Variants in TRABD observed in about 807,000 individuals in gnomAD.
The protein encoded by TRABD is TraB domain containing.
TRABD carries 23 observed loss-of-function variants against 39.6 expected under a neutral mutation model. The observed-to-expected ratio is 0.58, with a 90% CI of 0.42 to 0.82. The LOEUF is 0.82. Ranked by LOEUF, TRABD falls within the 40% of genes least tolerant of loss-of-function variation. The pLI is 0.00. For synonymous variants in TRABD, 243 were observed against 232.1 expected (o/e 1.05, Z -0.43); for missense variants, 487 against 544.9 (o/e 0.89, Z 1.06).
At chr22:50,197,007 C>T (rs1305889100) in intron 5 of TRABD, 1 of 541,024 alleles carries the variant, frequency 1.8e-6, no homozygotes, top group Non-Finnish European at 3.3e-6. Flanking sequence ...CCGTGAAGGT[C>T]TTTTCTGAAG....
At chr22:50,197,765 C>CCCCCCCCCCCCCCCCCCGGGG in intron 7 of TRABD, 58 bp from the exon 8 acceptor site, 20 of 754,026 alleles carry the variant, frequency 2.7e-5, no homozygotes, top group Non-Finnish European at 3.6e-5. Context: ...ACAGTGCCAG[C>CCCCCCCCCCCCCCCCCCGGGG]CCCACCCCCC....
At chr22:50,190,928 G>A (rs558902120) in intron 1 of TRABD, among the ~76,000 whole-genome samples, 14 of 152,356 alleles carry the variant, frequency 9.2e-5, no homozygotes, top group Admixed American at 6.5e-5. Flanking sequence ...CCGCTAAGAC[G>A]CCCAGGCCAG....
intron 1 of TRABD, chr22:50,191,706 C>A (rs189139741): frequency 6.6e-6 from 1 of 152,202 alleles, no homozygotes; most frequent in Non-Finnish European, 1.5e-5. Context: ...ATACCTTGCA[C>A]GACTAGACAG....
intron 1 of TRABD, among the ~76,000 whole-genome samples, chr22:50,190,439 A>T (rs1458766952): frequency 6.6e-6 from 1 of 151,860 alleles, no homozygotes; most frequent in Non-Finnish European, 1.5e-5. Context: ...CCGGCCTCAG[A>T]GGCGGGTCTG....
chr22:50,193,006 G>T (rs990460246), intron 1 of TRABD, 21 bp from the exon 2 acceptor site: 1 of 1,540,162 alleles, frequency 6.5e-7, no homozygotes, highest in South Asian at 1.2e-5. Context: ...TGGAAACCCC[G>T]CCTCTCATGC....
chr22:50,187,076 C>G (rs1046211975), intron 1 of TRABD, among the ~76,000 whole-genome samples: 7 of 152,238 alleles, frequency 4.6e-5, no homozygotes, highest in African/African-American at 1.7e-4. Context: ...TGCCGCCGCC[C>G]TTGCAGTGTG....
intron 5 of TRABD, among the ~76,000 whole-genome samples, chr22:50,195,516 G>A (rs2064070564): frequency 6.6e-6 from 1 of 151,798 alleles, no homozygotes; most frequent in Non-Finnish European, 1.5e-5. Flanking sequence ...AGGCTGGAGT[G>A]CAGTGGTGCG....
intron 3 of TRABD, 105 bp from the exon 4 acceptor site, chr22:50,194,235 T>G: frequency 7.1e-7 from 1 of 1,414,846 alleles, no homozygotes; most frequent in Non-Finnish European, 9.5e-7. Flanking sequence ...CTGCACCTGT[T>G]CAGTTCTCAG....
Position 50,195,011 on chromosome 22 carries a change from C to T in TRABD, c.391C>T (p.Leu131=). The part of the protein sequence containing the change: ...TLLREAQELS[L]EKLQQAVRQN... ...GCTGCGGGAGGCCCAGGAGCTCAGC[C>T]TGGAGAAGCTGCAGCAGGCCGTGAG... Residue 131 remains leucine, a synonymous_variant, in exon 5 of 10, where the codon CTG becomes TTG. Coordinates refer to ENST00000380909, the MANE Select transcript of TRABD (RefSeq NM_001320485.2). 2 of 1,605,316 alleles carry T rather than the reference C, an allele frequency of 1.2e-6. No individual in the cohort carries two copies. Among genetic ancestry groups the T allele is most frequent in the Non-Finnish European group, 1.7e-6 (2 of 1,178,394 alleles).
chr22:50,189,082 G>A (rs1324802739), intron 1 of TRABD, among the ~76,000 whole-genome samples: 6 of 152,214 alleles, frequency 3.9e-5, no homozygotes, highest in African/African-American at 1.2e-4. Flanking sequence ...TCCTGAAATC[G>A]GGCTGCTAAG....
chr22:50,186,425 C>A (rs1208454475), intron 1 of TRABD, among the ~76,000 whole-genome samples: 1 of 152,106 alleles, frequency 6.6e-6, no homozygotes, highest in East Asian at 1.9e-4. Flanking sequence ...CCTGCCACCG[C>A]TGCCGGGAGC....
At chr22:50,188,586 G>A (rs1013726615) in intron 1 of TRABD, among the ~76,000 whole-genome samples, 7 of 152,216 alleles carry the variant, frequency 4.6e-5, no homozygotes, top group Non-Finnish European at 8.8e-5. Context: ...TCTCTTCCAG[G>A]AGTACTAACC....
Position 50,198,003 on chromosome 22 carries a change from C to T in TRABD, c.844+8C>T. The stretch of plus-strand genomic sequence containing the variant: ...TGCCTCGGGCCTCTGACGGTGACGG[C>T]CGCCCGCAGGCGTGGGACCCCCTGT... On this transcript the variant is annotated splice_region_variant and intron_variant, in intron 8 of 9. Transcript: ENST00000380909. This position sits in a 1 kb window ranked among gnomAD's most constrained non-coding sequence, Gnocchi z 7.9. 6.2e-7 allele frequency: 1 copy of T among 1,610,742 alleles called. No individual in the cohort carries two copies. The highest frequency in any genetic ancestry group is 8.5e-7 in the Non-Finnish European group (1 of 1,178,642).
chr22:50,193,686 C>CCGGT, intron 3 of TRABD, 32 bp downstream of exon 3: 1 of 1,604,750 alleles, frequency 6.2e-7, no homozygotes, highest in Non-Finnish European at 8.5e-7. Flanking sequence ...GGCACGTTCC[C>CCGGT]CGGTGTTGGG....
Position 50,197,244 on chromosome 22 carries a change from G to A in TRABD, c.424G>A (p.Gly142Arg), listed in dbSNP as rs372645034. The change falls in exon 6 of 10, where the codon GGG becomes AGG. Residue 142 changes from glycine to arginine, a missense_variant. This residue lies in a region of TRABD where 358 missense variants were observed against 414.7 expected (regional missense o/e 0.86). Coordinates refer to ENST00000380909, the MANE Select transcript of TRABD (RefSeq NM_001320485.2). ...TGCCTGCTCCCTCTCTCTGCAGAAC[G>A]GGCTCATGTCGGGGCTGATGCAGAT... ...EKLQQAVRQN[G>R]LMSGLMQMLL... 8 of 1,612,578 alleles carry A rather than the reference G, an allele frequency of 5.0e-6. No homozygotes were observed. Among genetic ancestry groups the A allele is most frequent in the Non-Finnish European group, 5.1e-6 (6 of 1,179,842 alleles).
intron 1 of TRABD, chr22:50,191,701 T>C (rs142522127): frequency 2.3e-4 from 35 of 152,316 alleles, no homozygotes; most frequent in African/African-American, 8.4e-4. Flanking sequence ...CCACAATACC[T>C]TGCACGACTA....
chr22:50,188,252 A>G (rs2063808453), intron 1 of TRABD, among the ~76,000 whole-genome samples: 1 of 151,964 alleles, frequency 6.6e-6, no homozygotes, highest in East Asian at 1.9e-4. Context: ...ACCGCACTCC[A>G]GCCTGGGCGA....
chr22:50,195,083 A>G (rs2064053235), intron 5 of TRABD, 43 bp downstream of exon 5: 2 of 1,516,398 alleles, frequency 1.3e-6, no homozygotes, highest in Non-Finnish European at 8.8e-7. Flanking sequence ...GTCGGGGTCA[A>G]AGCCACCTGT....
intron 7 of TRABD, 26 bp downstream of exon 7, chr22:50,197,614 C>A (rs200843749): frequency 6.2e-7 from 1 of 1,609,832 alleles, no homozygotes; most frequent in Non-Finnish European, 8.5e-7. Context: ...GGACCCTGGC[C>A]GGCCTGCAGG....
Sources: allele counts gnomAD v4.1 joint callset (sites outside exome capture counted in the v4.1 genomes callset), GRCh38; gene constraint gnomAD v4.1.1; regional missense constraint gnomAD v4.1.1; non-coding constraint Gnocchi (gnomAD v3.1); transcripts MANE v1.5; gene names NCBI Gene and HGNC (gene_info 2026-07-23, HGNC 2026-07-21).